The following MEIS1 variants were observed in gnomAD, a reference collection of about 807,000 sequenced individuals.
The protein encoded by MEIS1 is Meis homeobox 1.
In MEIS1, 5 loss-of-function variants were observed where a neutral mutation model predicts 50.8. The observed-to-expected ratio is 0.10, with a 90% CI of 0.05 to 0.21. MEIS1 has a LOEUF of 0.21. Ranked by LOEUF, MEIS1 falls within the 10% of genes least tolerant of loss-of-function variation. The probability of loss-of-function intolerance (pLI) is 1.00; values close to 1 mark genes in which losing one functional copy is unlikely to be tolerated. For synonymous variants in MEIS1, 176 were observed against 179.3 expected, an observed-to-expected ratio of 0.98 and a Z score of 0.15; for missense variants, 318 against 517.3, an observed-to-expected ratio of 0.61 and a Z score of 3.74.
intron 7 of MEIS1, among the ~76,000 whole-genome samples, chr2:66,500,757 G>A (rs1022865484): frequency 6.6e-6 from 1 of 152,156 alleles, no homozygotes; most frequent in Non-Finnish European, 1.5e-5. Context: ...TGCTTTTCAA[G>A]TGTATTTTAT....
In MEIS1 at chr2:66,568,841, C is replaced by G. The variant is rs1024994322; in HGVS notation, c.1114+85C>G. The G allele has an allele frequency of 2.2e-5, 29 of 1,297,258 alleles. No individual in the cohort carries two copies. The South Asian group carries it at 3.3e-4, about 15-fold the overall frequency. The allele number at this position is 1,297,258 out of a possible 1,614,324, so 80.4% of individuals were successfully genotyped here. A position where few individuals can be genotyped will look rare whatever the true frequency, so the allele number is the denominator to read the frequency against. ...TCAACACAGGTAAATCCGCCTCATCCTTTTCTGTTATCTCAAGCTGGCTGC... is the reference window on the plus strand; with the variant it reads ...TCAACACAGGTAAATCCGCCTCATCGTTTTCTGTTATCTCAAGCTGGCTGC... On this transcript the variant is annotated intron_variant, in intron 11 of 12. Transcript: ENST00000272369.
chr2:66,557,938 G>A (rs558414555), intron 9 of MEIS1, among the ~76,000 whole-genome samples: 8 of 152,198 alleles, frequency 5.3e-5, no homozygotes, highest in South Asian at 4.2e-4. Context: ...CACTTTCCCC[G>A]CCACTGGGTA....
intron 4 of MEIS1, 94 bp downstream of exon 4, chr2:66,440,706 T>G: frequency 1.3e-6 from 1 of 785,890 alleles, no homozygotes; most frequent in Non-Finnish European, 2.0e-6. Context: ...CTGAGATTTC[T>G]AGACCGGTCT....
Position 66,451,556 on chromosome 2 carries a change from C to G in MEIS1, c.630+8508C>G, listed in dbSNP as rs556344809. 2.3e-3 allele frequency among the ~76,000 whole-genome samples: 357 copies of G among 152,080 alleles called. 1 individual carries two copies. The highest frequency in any genetic ancestry group is 8.0e-3 in the African/African-American group (334 of 41,562). ...GAATAAGAATTTCTTTGACAATAAA[C>G]CTCCTCTTAATGTCTCCAAAACTAT... On this transcript the variant is annotated intron_variant, in intron 6 of 12. Coordinates refer to ENST00000272369, the MANE Select transcript of MEIS1 (RefSeq NM_002398.3).
intron 7 of MEIS1, among the ~76,000 whole-genome samples, chr2:66,464,576 A>G (rs1208430456): frequency 6.6e-6 from 1 of 152,230 alleles, no homozygotes; most frequent in Non-Finnish European, 1.5e-5. Flanking sequence ...GAGCTCATGA[A>G]GAAACATCCA....
intron 7 of MEIS1, among the ~76,000 whole-genome samples, chr2:66,493,244 A>G (rs900983256): frequency 3.3e-5 from 5 of 152,174 alleles, no homozygotes; most frequent in Non-Finnish European, 5.9e-5. Context: ...ATAAATTGGA[A>G]CTAAATCTGG....
intron 8 of MEIS1, among the ~76,000 whole-genome samples, chr2:66,529,710 G>A (rs1674343693): frequency 6.6e-6 from 1 of 152,196 alleles, no homozygotes; most frequent in Admixed American, 6.5e-5. Flanking sequence ...ATCACTTGAG[G>A]AAATATACTA....
In MEIS1 at chr2:66,529,728, T is replaced by C. The variant is rs191306728; in HGVS notation, c.888+17434T>C. On this transcript the variant is annotated intron_variant, in intron 8 of 12. Transcript: ENST00000272369. ...ACTTGAGGAAATATACTAAAGGATA[T>C]ACTTTAGACAGAAGCTTCAGGAAGT... Among the ~76,000 whole-genome samples, 275 of 152,346 alleles carry C rather than the reference T, an allele frequency of 1.8e-3. 1 individual carries two copies. Among genetic ancestry groups the C allele is most frequent in the African/African-American group, 6.4e-3 (265 of 41,578 alleles).
chr2:66,453,427 ATC>A (rs1247940118), intron 6 of MEIS1, among the ~76,000 whole-genome samples: 1 of 151,994 alleles, frequency 6.6e-6, no homozygotes, highest in East Asian at 1.9e-4. Context: ...GCTTTGGCTG[ATC>A]TCTTAGTTAA....
intron 7 of MEIS1, among the ~76,000 whole-genome samples, chr2:66,487,378 A>G (rs1446996685): frequency 6.6e-6 from 1 of 152,178 alleles, no homozygotes; most frequent in African/African-American, 2.4e-5. Flanking sequence ...ACACACATAT[A>G]TGTATATATT....
At chr2:66,563,364 C>G (rs963914886) in intron 9 of MEIS1, among the ~76,000 whole-genome samples, 1 of 151,986 alleles carries the variant, frequency 6.6e-6, no homozygotes. Flanking sequence ...ACTATTTCTT[C>G]TATGTTGAAT....
At chr2:66,448,477 C>A (rs1412924526) in intron 6 of MEIS1, among the ~76,000 whole-genome samples, 1 of 152,154 alleles carries the variant, frequency 6.6e-6, no homozygotes, top group African/African-American at 2.4e-5. Flanking sequence ...AGCTTACCTT[C>A]CCTAGCGTAC....
At chr2:66,530,442 C>T (rs1014089745) in intron 8 of MEIS1, among the ~76,000 whole-genome samples, 7 of 151,354 alleles carry the variant, frequency 4.6e-5, no homozygotes, top group Non-Finnish European at 1.0e-4. Flanking sequence ...GGGCCGGGTA[C>T]GGTGGCTCAC....
At chr2:66,473,549 A>G (rs1018291610) in intron 7 of MEIS1, among the ~76,000 whole-genome samples, 2 of 151,836 alleles carry the variant, frequency 1.3e-5, no homozygotes, top group Non-Finnish European at 2.9e-5. Context: ...ATATTGTGAT[A>G]TGCAAATATG....
intron 8 of MEIS1, among the ~76,000 whole-genome samples, chr2:66,524,314 C>T (rs577059933): frequency 6.6e-5 from 10 of 152,268 alleles, no homozygotes; most frequent in Non-Finnish European, 1.3e-4. Flanking sequence ...GTAGTCCCAG[C>T]ACTTTGGGAG....
intron 9 of MEIS1, among the ~76,000 whole-genome samples, chr2:66,561,741 A>G (rs1675217367): frequency 6.6e-6 from 1 of 152,216 alleles, no homozygotes; most frequent in African/African-American, 2.4e-5. Flanking sequence ...TTGTAAAATG[A>G]TATTTCTCTG....
intron 5 of MEIS1, 31 bp downstream of exon 5, chr2:66,441,495 T>TA (rs1671980526): frequency 1.3e-6 from 2 of 1,506,658 alleles, no homozygotes; most frequent in East Asian, 2.6e-5. Flanking sequence ...TCCTTTTACT[T>TA]ACCCCTTACC....
chr2:66,518,801 A>C (rs907736994), intron 8 of MEIS1, among the ~76,000 whole-genome samples: 1 of 152,194 alleles, frequency 6.6e-6, no homozygotes, highest in Non-Finnish European at 1.5e-5. Context: ...AAGATTCCTA[A>C]TGAAGATACC....
At chr2:66,450,283 TAAAC>T (rs1427440120) in intron 6 of MEIS1, among the ~76,000 whole-genome samples, 2 of 152,162 alleles carry the variant, frequency 1.3e-5, no homozygotes, top group African/African-American at 4.8e-5. Context: ...ACTCACGAAG[TAAAC>T]AACCTTGAGT....
Sources: gnomAD v4.1 joint callset for allele counts (sites outside exome capture counted in the v4.1 genomes callset) on GRCh38, gnomAD v4.1.1 for gene constraint, MANE v1.5 for transcripts, NCBI Gene and HGNC (gene_info 2026-07-23, HGNC 2026-07-21) for gene names.